Variants in CACNA2D3 observed in about 807,000 individuals in gnomAD.
CACNA2D3 encodes the protein calcium voltage-gated channel auxiliary subunit alpha2delta 3.
Under a neutral mutation model 160.6 loss-of-function variants are expected in CACNA2D3, and 60 were observed. The observed-to-expected ratio is 0.37, with a 90% CI of 0.30 to 0.46. CACNA2D3 has a LOEUF of 0.46. Among genes scored for constraint, CACNA2D3 ranks in the 20% least tolerant of loss-of-function variants. The probability of loss-of-function intolerance (pLI) is 1.00; values close to 1 mark genes in which losing one functional copy is unlikely to be tolerated. For synonymous variants in CACNA2D3, 558 were observed against 492.9 expected, an observed-to-expected ratio of 1.13 and a Z score of -1.75; for missense variants, 1,205 against 1,365.0, an observed-to-expected ratio of 0.88 and a Z score of 1.85.
intron 2 of CACNA2D3, among the ~76,000 whole-genome samples, chr3:54,216,184 G>C (rs913098976): frequency 6.6e-6 from 1 of 152,010 alleles, no homozygotes; most frequent in African/African-American, 2.4e-5. Context: ...CAGAAGCACA[G>C]TTCGAGAAGC....
rs941414352 is a variant in CACNA2D3, at chr3:54,488,174, A to G, written c.382-15318A>G. On this transcript the variant is annotated intron_variant, in intron 4 of 37. Coordinates refer to ENST00000474759, the MANE Select transcript of CACNA2D3 (RefSeq NM_018398.3). ...TGAGTTAGAGAGGGAGGAAAGAGCT[A>G]GATCAAGCATGACCTTGGGTTATTC... 2.5e-4 allele frequency among the ~76,000 whole-genome samples: 38 copies of G among 152,228 alleles called. 1 individual carries two copies. Among genetic ancestry groups the G allele is most frequent in the Non-Finnish European group, 1.2e-4 (8 of 68,036 alleles).
intron 13 of CACNA2D3, among the ~76,000 whole-genome samples, chr3:54,776,952 A>G (rs1295480986): frequency 4.6e-5 from 7 of 152,204 alleles, no homozygotes; most frequent in Non-Finnish European, 8.8e-5. Context: ...TGGCCCAGAT[A>G]TTTGGGTAAC....
chr3:54,358,487 G>A (rs1258683848), intron 3 of CACNA2D3, among the ~76,000 whole-genome samples: 1 of 152,162 alleles, frequency 6.6e-6, no homozygotes, highest in Non-Finnish European at 1.5e-5. Context: ...CCATGCCCAG[G>A]TTTCATCATC....
intron 29 of CACNA2D3, among the ~76,000 whole-genome samples, chr3:54,973,298 T>G (rs564313945): frequency 1.3e-5 from 2 of 152,268 alleles, no homozygotes; most frequent in Non-Finnish European, 2.9e-5. Context: ...TGCTAGTGTT[T>G]CCTCACTGCT....
chr3:54,247,472 A>T (rs1452461454), intron 2 of CACNA2D3, among the ~76,000 whole-genome samples: 1 of 152,232 alleles, frequency 6.6e-6, no homozygotes. Flanking sequence ...TTGGAAATAA[A>T]AAATATTTTA....
intron 14 of CACNA2D3, among the ~76,000 whole-genome samples, chr3:54,821,721 CTCTCTCTCTCTCTCTT>C (rs1406244855): frequency 7.5e-6 from 1 of 133,754 alleles, no homozygotes; most frequent in African/African-American, 2.8e-5. Flanking sequence ...TCTTTCCTCT[CTCTCTCTCTCTCTCTT>C]TCTCTCTCTC....
intron 2 of CACNA2D3, among the ~76,000 whole-genome samples, chr3:54,300,519 T>A (rs974024962): frequency 2.0e-5 from 3 of 152,234 alleles, no homozygotes; most frequent in Non-Finnish European, 4.4e-5. Flanking sequence ...TGTAAGCCCG[T>A]GACTTAATTC....
At chr3:54,641,158 G>A (rs377007014) in intron 10 of CACNA2D3, among the ~76,000 whole-genome samples, 35 of 152,274 alleles carry the variant, frequency 2.3e-4, no homozygotes, top group Non-Finnish European at 3.7e-4. Context: ...ATATGCCTAA[G>A]TTGTGGTCAT....
chr3:54,324,428 A>G (rs1376945382), intron 3 of CACNA2D3, among the ~76,000 whole-genome samples: 1 of 152,232 alleles, frequency 6.6e-6, no homozygotes, highest in Non-Finnish European at 1.5e-5. Flanking sequence ...GACTATATGT[A>G]ACTTTTTTTT....
intron 9 of CACNA2D3, among the ~76,000 whole-genome samples, chr3:54,591,648 A>G (rs976486409): frequency 6.8e-6 from 1 of 146,918 alleles, no homozygotes; most frequent in Non-Finnish European, 1.5e-5. Context: ...TTACATTTTA[A>G]TATAATCAGG....
rs550595622 is a variant in CACNA2D3 at position 55,021,621 on chromosome 3, G to GTGTGTATATATATATATATATA, written c.2987+3320_2987+3341dup. On this transcript the variant is annotated intron_variant, in intron 35 of 37. Transcript: ENST00000474759. Reference sequence around the variant, plus strand: ...AAATTATATATATATATATATGTGTGTGTGTATATATATATATATATATGT... The same window carrying GTGTGTATATATATATATATATA: ...AAATTATATATATATATATATGTGTGTGTGTATATATATATATATATATGTGTATATATATATATATATATGT... Among the ~76,000 whole-genome samples, 13 of 137,186 alleles carry GTGTGTATATATATATATATATA rather than the reference G, an allele frequency of 9.5e-5. No homozygotes were observed. The East Asian group carries it at 1.0e-3, about 11-fold the overall frequency. The allele number at this position is 137,186 out of a possible 152,430, so 90.0% of individuals were successfully genotyped here.
chr3:54,629,002 G>A (rs913665852), intron 10 of CACNA2D3, among the ~76,000 whole-genome samples: 6 of 152,142 alleles, frequency 3.9e-5, no homozygotes, highest in Non-Finnish European at 1.5e-5. Context: ...TAGAGAAATT[G>A]CTTAGAAAGA....
chr3:54,451,927 C>T (rs988642466), intron 4 of CACNA2D3, among the ~76,000 whole-genome samples: 1 of 152,190 alleles, frequency 6.6e-6, no homozygotes, highest in Non-Finnish European at 1.5e-5. Context: ...TACACACAAG[C>T]TCTAGGATTA....
chr3:55,062,135 T>G (rs1310504120), intron 35 of CACNA2D3, among the ~76,000 whole-genome samples: 1 of 152,182 alleles, frequency 6.6e-6, no homozygotes, highest in East Asian at 1.9e-4. Context: ...TTGTTTGTTT[T>G]TTGAGACAGT....
intron 11 of CACNA2D3, among the ~76,000 whole-genome samples, chr3:54,688,896 C>T (rs1030868255): frequency 5.7e-4 from 79 of 137,738 alleles, no homozygotes; most frequent in African/African-American, 1.8e-3. Flanking sequence ...GCAGGAGAAT[C>T]GCTTGAACCC....
At position 54,974,202 on chromosome 3, in the gene CACNA2D3, C is replaced by T. The variant is rs141714876; in HGVS notation, c.2556+4358C>T. 7.2e-5 allele frequency among the ~76,000 whole-genome samples: 11 copies of T among 152,292 alleles called. No individual in the cohort carries two copies. In the East Asian group the frequency reaches 2.1e-3, roughly 29 times the overall value. On this transcript the variant is annotated intron_variant, in intron 29 of 37. Coordinates refer to ENST00000474759, the MANE Select transcript of CACNA2D3 (RefSeq NM_018398.3). ...AGCATTAGGATACTTGTAAAAATCA[C>T]ACATCATAGGTGACCAATAAACATT...
chr3:54,170,146 C>T (rs1012513947), intron 2 of CACNA2D3, among the ~76,000 whole-genome samples: 5 of 148,632 alleles, frequency 3.4e-5, no homozygotes, highest in Non-Finnish European at 5.9e-5. Context: ...GCCGAGATTG[C>T]GCTATTGCAC....
In CACNA2D3 at chr3:54,630,039, G is replaced by A. The variant is rs1699200796; in HGVS notation, c.1053+2163G>A. Among the ~76,000 whole-genome samples, 2 of 152,174 alleles carry A rather than the reference G, an allele frequency of 1.3e-5. 1 individual carries two copies. Among genetic ancestry groups the A allele is most frequent in the South Asian group, 4.1e-4 (2 of 4,826 alleles). On this transcript the variant is annotated intron_variant, in intron 10 of 37. Transcript: ENST00000474759. The stretch of plus-strand genomic sequence containing the variant: ...GTTCACAGTTATTGAGAATTTTAAG[G>A]TAATGGTAGCAAAGCCTTGAACCAA...
chr3:54,386,041 G>A, intron 3 of CACNA2D3: 1 of 466,698 alleles, frequency 2.1e-6, no homozygotes, highest in Non-Finnish European at 4.2e-6. Flanking sequence ...TCTAAATGAA[G>A]GCATTATGAA....
Sources: gnomAD v4.1 joint callset for allele counts (sites outside exome capture counted in the v4.1 genomes callset) on GRCh38, gnomAD v4.1.1 for gene constraint, MANE v1.5 for transcripts, NCBI Gene and HGNC (gene_info 2026-07-23, HGNC 2026-07-21) for gene names.